Variants in RIC8B observed in about 807,000 individuals in gnomAD.
RIC8B encodes the protein RIC8 guanine nucleotide exchange factor B.
In RIC8B, 16 loss-of-function variants were observed where a neutral mutation model predicts 57.5. The ratio of observed to expected loss-of-function variants is 0.28; its 90% CI spans 0.19 to 0.42. RIC8B has a LOEUF of 0.42. Ranked by LOEUF, RIC8B falls within the 10% of genes least tolerant of loss-of-function variation. The probability of loss-of-function intolerance (pLI) is 1.00; values close to 1 mark genes in which losing one functional copy is unlikely to be tolerated. For synonymous variants in RIC8B, 216 were observed against 250.8 expected (o/e 0.86, Z 1.31); for missense variants, 481 against 677.0 (o/e 0.71, Z 3.21).
intron 1 of RIC8B, among the ~76,000 whole-genome samples, chr12:106,780,263 A>G (rs1872818311): frequency 1.3e-5 from 2 of 152,122 alleles, no homozygotes; most frequent in African/African-American, 4.8e-5. Context: ...ACATATGACT[A>G]CCCCATACAT....
chr12:106,836,649 A>G (rs2136387457), intron 4 of RIC8B, among the ~76,000 whole-genome samples: 1 of 152,316 alleles, frequency 6.6e-6, no homozygotes, highest in East Asian at 1.9e-4. Flanking sequence ...ACTCACCTGA[A>G]TTATTGCAGT....
intron 2 of RIC8B, among the ~76,000 whole-genome samples, chr12:106,794,962 T>G (rs2044411993): frequency 6.6e-6 from 1 of 152,170 alleles, no homozygotes; most frequent in Non-Finnish European, 1.5e-5. Flanking sequence ...TATTGTTCAG[T>G]CAGTAATATA....
intron 4 of RIC8B, among the ~76,000 whole-genome samples, chr12:106,834,873 A>G (rs1010876636): frequency 1.3e-5 from 2 of 148,786 alleles, no homozygotes; most frequent in African/African-American, 5.0e-5. Flanking sequence ...AGTCCCAGGT[A>G]CTTGGGAGGC....
At position 106,886,461 on chromosome 12, in the gene RIC8B, CT is replaced by C. The variant is rs896120599; in HGVS notation, c.*448del. On this transcript the variant is annotated 3_prime_UTR_variant, in exon 10 of 10. Transcript: ENST00000392837. ...AAATAAAGCCTTGGGCAAGCGACTT[CT>C]TAGATCAGAACTCACCAAATGGAAG... 2 of 156,900 alleles carry C rather than the reference CT, an allele frequency of 1.3e-5. No homozygotes were observed. The highest frequency in any genetic ancestry group is 4.8e-5 in the African/African-American group (2 of 41,508). The allele number at this position is 156,900 out of a possible 1,614,324, so 9.7% of individuals were successfully genotyped here. A position where few individuals can be genotyped will look rare whatever the true frequency, so the allele number is the denominator to read the frequency against.
chr12:106,833,039 A>G (rs2046425328), intron 4 of RIC8B, among the ~76,000 whole-genome samples: 1 of 152,082 alleles, frequency 6.6e-6, no homozygotes, highest in Non-Finnish European at 1.5e-5. Flanking sequence ...TTGTCACCTC[A>G]GAGATATGAC....
intron 4 of RIC8B, among the ~76,000 whole-genome samples, chr12:106,840,969 CT>C (rs1295733705): frequency 1.3e-5 from 2 of 152,114 alleles, no homozygotes; most frequent in African/African-American, 4.8e-5. Flanking sequence ...TATTTCCCCC[CT>C]TTTATTCTCA....
rs557790646 is a variant in RIC8B, at chr12:106,867,780, T to G, written c.1452-3043T>G. ...TTTTTCCCATAAGAGAGTGCTACGC[T>G]ATACTTCAGTGCCCTAACTTGTGTT... On this transcript the variant is annotated intron_variant, in intron 8 of 9. Coordinates refer to ENST00000392837, the MANE Select transcript of RIC8B (RefSeq NM_001330145.2). The surrounding 1 kb of genome is among the most constrained non-coding windows in gnomAD (Gnocchi z 4.3). 9.2e-5 allele frequency among the ~76,000 whole-genome samples: 14 copies of G among 152,330 alleles called. No individual in the cohort carries two copies. Among genetic ancestry groups the G allele is most frequent in the African/African-American group, 3.4e-4 (14 of 41,578 alleles).
At chr12:106,816,975 A>G (rs1190999047) in intron 3 of RIC8B, among the ~76,000 whole-genome samples, 2 of 152,210 alleles carry the variant, frequency 1.3e-5, no homozygotes, top group Non-Finnish European at 2.9e-5. Context: ...TGATATAGCC[A>G]TTATAAAATA....
chr12:106,859,442 G>A (rs1949839836), intron 7 of RIC8B, among the ~76,000 whole-genome samples: 2 of 151,826 alleles, frequency 1.3e-5, no homozygotes, highest in African/African-American at 4.8e-5. Context: ...TTTTCATTAG[G>A]CTTCCTTTTT....
At chr12:106,870,450 G>A (rs187173808) in intron 8 of RIC8B, among the ~76,000 whole-genome samples, 1 of 151,770 alleles carries the variant, frequency 6.6e-6, no homozygotes, top group Non-Finnish European at 1.5e-5. Context: ...ATCACAAAAT[G>A]GATTTCCTCA....
chr12:106,795,724 C>A lies in RIC8B; in HGVS notation c.132+11680C>A, dbSNP rs867928506. ...TATGTCTGCAGCTCGATTTTACAGG[C>A]TGCTCTTTGTTAGAAAGGAAAATAA... On this transcript the variant is annotated intron_variant, in intron 2 of 9. Transcript: ENST00000392837. 2.6e-5 allele frequency among the ~76,000 whole-genome samples: 4 copies of A among 152,222 alleles called. No individual in the cohort carries two copies. The South Asian group carries it at 8.3e-4, about 32-fold the overall frequency.
chr12:106,846,049 C>T (rs1949174255), intron 6 of RIC8B, among the ~76,000 whole-genome samples: 2 of 152,174 alleles, frequency 1.3e-5, no homozygotes, highest in Non-Finnish European at 2.9e-5. Flanking sequence ...TTGTCTCTAT[C>T]TCTGCTGCCA....
intron 9 of RIC8B, among the ~76,000 whole-genome samples, chr12:106,878,153 C>G (rs1397737829): frequency 6.6e-6 from 1 of 152,064 alleles, no homozygotes; most frequent in Non-Finnish European, 1.5e-5. Context: ...GCTACCATAC[C>G]ACTCATTCCT....
chr12:106,811,488 AT>A (rs1240464157), intron 2 of RIC8B, among the ~76,000 whole-genome samples: 6 of 152,248 alleles, frequency 3.9e-5, no homozygotes, highest in Non-Finnish European at 2.9e-5. Flanking sequence ...ATTATGATGC[AT>A]GATGAAGTTT....
chr12:106,827,106 G>A (rs923482069), intron 4 of RIC8B, among the ~76,000 whole-genome samples: 2 of 152,070 alleles, frequency 1.3e-5, no homozygotes, highest in Non-Finnish European at 2.9e-5. Context: ...CAAATTTTGC[G>A]ACTTGTCCGT....
chr12:106,850,025 C>T (rs577427109), intron 6 of RIC8B, among the ~76,000 whole-genome samples: 1 of 152,340 alleles, frequency 6.6e-6, no homozygotes, highest in Admixed American at 6.5e-5. Flanking sequence ...AGCAGGCGAG[C>T]ATTACTGCCT....
chr12:106,873,671 C>T (rs1566173445), intron 9 of RIC8B, among the ~76,000 whole-genome samples: 2 of 152,174 alleles, frequency 1.3e-5, no homozygotes, highest in East Asian at 1.9e-4. Flanking sequence ...CTTTGGAAAA[C>T]TCACATTCTA....
chr12:106,884,028 C>T (rs2136683858), intron 9 of RIC8B, among the ~76,000 whole-genome samples: 1 of 152,256 alleles, frequency 6.6e-6, no homozygotes, highest in East Asian at 1.9e-4. Flanking sequence ...GAGAATCACA[C>T]ACGTCAGTGG....
intron 6 of RIC8B, among the ~76,000 whole-genome samples, chr12:106,847,616 G>A (rs1193223158): frequency 6.6e-6 from 1 of 152,110 alleles, no homozygotes; most frequent in Non-Finnish European, 1.5e-5. Flanking sequence ...TTTGTTTATA[G>A]CTGTGTCTCC....
Sources: gnomAD v4.1 joint callset for allele counts (sites outside exome capture counted in the v4.1 genomes callset) on GRCh38, gnomAD v4.1.1 for gene constraint, Gnocchi (gnomAD v3.1) non-coding constraint, MANE v1.5 for transcripts, NCBI Gene and HGNC (gene_info 2026-07-23, HGNC 2026-07-21) for gene names.